Variants in ST6GALNAC3 observed in about 807,000 individuals in gnomAD.
ST6GALNAC3 encodes the protein alpha-N-acetylgalactosaminide alpha-2,6-sialyltransferase 3.
Under a neutral mutation model 32.7 loss-of-function variants are expected in ST6GALNAC3, and 25 were observed. The ratio of observed to expected loss-of-function variants is 0.76; its 90% CI spans 0.56 to 1.07. The LOEUF (loss-of-function observed/expected upper bound fraction) is 1.07. Among genes scored for constraint, ST6GALNAC3 ranks in the 50% least tolerant of loss-of-function variants. The pLI is 0.00. For synonymous variants in ST6GALNAC3, 129 were observed against 133.1 expected, an observed-to-expected ratio of 0.97 and a Z score of 0.21; for missense variants, 355 against 382.4, an observed-to-expected ratio of 0.93 and a Z score of 0.60.
chr1:76,078,526 C>T (rs890952676), intron 1 of ST6GALNAC3, among the ~76,000 whole-genome samples: 1 of 152,154 alleles, frequency 6.6e-6, no homozygotes, highest in Non-Finnish European at 1.5e-5. Flanking sequence ...AATTATGGCT[C>T]CACTCCTTAT....
At chr1:76,104,344 T>C (rs1397028847) in intron 1 of ST6GALNAC3, among the ~76,000 whole-genome samples, 1 of 152,150 alleles carries the variant, frequency 6.6e-6, no homozygotes, top group Non-Finnish European at 1.5e-5. Flanking sequence ...GATTTTAGTT[T>C]CAGATATTGA....
chr1:76,431,458 C>T (rs1655747110), intron 3 of ST6GALNAC3, among the ~76,000 whole-genome samples: 1 of 152,180 alleles, frequency 6.6e-6, no homozygotes, highest in Non-Finnish European at 1.5e-5. Context: ...TGTAGCTCTT[C>T]ATTTCATAGA....
At chr1:76,438,204 T>G (rs1269654952) in intron 3 of ST6GALNAC3, among the ~76,000 whole-genome samples, 1 of 151,306 alleles carries the variant, frequency 6.6e-6, no homozygotes, top group South Asian at 2.1e-4. Context: ...CAGGCTGGAG[T>G]GCAGTGGCGC....
rs1212811719 is a variant in ST6GALNAC3, at chr1:76,220,825, A to G, written c.19-92980A>G. On this transcript the variant is annotated intron_variant, in intron 1 of 4. Transcript: ENST00000328299. ...TCTTCTCAGAGATATTTACATGGGC[A>G]AGAACTTCAGATTATACTTGATTGT... Among the ~76,000 whole-genome samples, 7 of 152,212 alleles carry G rather than the reference A, an allele frequency of 4.6e-5. No individual in the cohort carries two copies. In the South Asian group the frequency reaches 6.2e-4, roughly 13 times the overall value.
chr1:76,559,529 G>A (rs1436084), intron 3 of ST6GALNAC3, among the ~76,000 whole-genome samples: 57,869 of 151,986 alleles, frequency 0.38, 13,342 homozygotes, highest in African/African-American at 0.66. Flanking sequence ...GTTAAACTTT[G>A]TCAAAATTAA....
At chr1:76,354,258 G>C (rs1649256538) in intron 2 of ST6GALNAC3, 1 of 152,182 alleles carries the variant, frequency 6.6e-6, no homozygotes, top group Non-Finnish European at 1.5e-5. Context: ...TGGGCCCTGT[G>C]GCTGCGACAG....
At chr1:76,604,466 C>T (rs1229173582) in intron 3 of ST6GALNAC3, among the ~76,000 whole-genome samples, 3 of 152,182 alleles carry the variant, frequency 2.0e-5, no homozygotes, top group Non-Finnish European at 4.4e-5. Context: ...GAAAATCCTG[C>T]CTCAAATGAC....
intron 3 of ST6GALNAC3, among the ~76,000 whole-genome samples, chr1:76,594,968 A>G (rs1002872850): frequency 6.6e-6 from 1 of 152,180 alleles, no homozygotes; most frequent in African/African-American, 2.4e-5. Context: ...TCACATTGAT[A>G]CATTACATTA....
At chr1:76,168,456 G>A (rs1376585877) in intron 1 of ST6GALNAC3, among the ~76,000 whole-genome samples, 1 of 151,986 alleles carries the variant, frequency 6.6e-6, no homozygotes, top group African/African-American at 2.4e-5. Context: ...GTTTTTGTGT[G>A]GAGAGTTCTG....
chr1:76,512,759 TAC>T (rs1313490573), intron 3 of ST6GALNAC3, among the ~76,000 whole-genome samples: 1 of 152,184 alleles, frequency 6.6e-6, no homozygotes, highest in Non-Finnish European at 1.5e-5. Context: ...ACCACTGTTT[TAC>T]TCTCTGCTTC....
At chr1:76,386,086 G>T (rs895920042) in intron 2 of ST6GALNAC3, among the ~76,000 whole-genome samples, 2 of 151,842 alleles carry the variant, frequency 1.3e-5, no homozygotes, top group Non-Finnish European at 2.9e-5. Context: ...AAGGTTATGT[G>T]TGTGTCGTCT....
chr1:76,402,902 C>T (rs1370391416), intron 2 of ST6GALNAC3, among the ~76,000 whole-genome samples: 1 of 152,050 alleles, frequency 6.6e-6, no homozygotes, highest in African/African-American at 2.4e-5. Context: ...TAACTATACT[C>T]TTAAATTATT....
chr1:76,308,484 A>C (rs983247850), intron 1 of ST6GALNAC3, among the ~76,000 whole-genome samples: 1 of 152,108 alleles, frequency 6.6e-6, no homozygotes, highest in Non-Finnish European at 1.5e-5. Context: ...TGTTTAATCT[A>C]ATTGGTGGTT....
intron 1 of ST6GALNAC3, among the ~76,000 whole-genome samples, chr1:76,188,225 G>C (rs150207267): frequency 0.011 from 1,657 of 152,186 alleles, 29 homozygotes; most frequent in East Asian, 0.044. Flanking sequence ...AGCTGGTTGT[G>C]GTGGCGGGTG....
At chr1:76,341,210 C>T (rs1304255382) in intron 2 of ST6GALNAC3, among the ~76,000 whole-genome samples, 2 of 151,768 alleles carry the variant, frequency 1.3e-5, no homozygotes, top group Non-Finnish European at 2.9e-5. Context: ...CTCCCTCCTC[C>T]GTTTTGGTTG....
At chr1:76,350,662 T>C (rs945666539) in intron 2 of ST6GALNAC3, among the ~76,000 whole-genome samples, 8 of 152,186 alleles carry the variant, frequency 5.3e-5, no homozygotes, top group Non-Finnish European at 1.0e-4. Flanking sequence ...TCTGGCTTCA[T>C]AGATAAGCCT....
chr1:76,531,686 A>G (rs1663267435), intron 3 of ST6GALNAC3, among the ~76,000 whole-genome samples: 1 of 152,204 alleles, frequency 6.6e-6, no homozygotes, highest in East Asian at 1.9e-4. Flanking sequence ...CCTTTATGCC[A>G]AAGACTGAAG....
intron 2 of ST6GALNAC3, among the ~76,000 whole-genome samples, chr1:76,340,339 T>C (rs1282507649): frequency 1.3e-5 from 2 of 152,250 alleles, no homozygotes; most frequent in East Asian, 1.9e-4. Flanking sequence ...GATGATTCTA[T>C]GTGTGTCCTT....
chr1:76,508,049 T>G (rs1661587471), intron 3 of ST6GALNAC3, among the ~76,000 whole-genome samples: 1 of 152,222 alleles, frequency 6.6e-6, no homozygotes, highest in Non-Finnish European at 1.5e-5. Flanking sequence ...CGTCTTTTCA[T>G]GTGCTTATTG....
Sources: allele counts gnomAD v4.1 joint callset (sites outside exome capture counted in the v4.1 genomes callset), GRCh38; gene constraint gnomAD v4.1.1; transcripts MANE v1.5; gene names NCBI Gene and HGNC (gene_info 2026-07-23, HGNC 2026-07-21).